Variants in TEK observed in about 807,000 individuals in gnomAD.
The protein encoded by TEK is TEK receptor tyrosine kinase, also known as angiopoietin-1 receptor.
In TEK, 43 loss-of-function variants were observed where a neutral mutation model predicts 131.8. The ratio of observed to expected loss-of-function variants is 0.33; its 90% CI spans 0.26 to 0.42. The LOEUF (loss-of-function observed/expected upper bound fraction) is 0.42. TEK is among the 10% of genes least tolerant of loss of function. The probability of loss-of-function intolerance (pLI) is 1.00; values close to 1 mark genes in which losing one functional copy is unlikely to be tolerated. For synonymous variants in TEK, 580 were observed against 491.6 expected (o/e 1.18, Z -2.38); for missense variants, 1,162 against 1,384.4 (o/e 0.84, Z 2.55).
rs931955190 is a variant in TEK at position 27,212,999 on chromosome 9, C to T, written c.2877+102C>T. The T allele has an allele frequency of 8.6e-6, 11 of 1,281,302 alleles. No individual in the cohort carries two copies. The South Asian group carries it at 1.3e-4, about 15-fold the overall frequency. The allele number at this position is 1,281,302 out of a possible 1,614,324, so 79.4% of individuals were successfully genotyped here. A position where few individuals can be genotyped will look rare whatever the true frequency, so the allele number is the denominator to read the frequency against. ...GTCTGTCAACCTCTCTTCTTTAACT[C>T]CTTCTTAAAATCTCCCTCATTTTAA... On this transcript the variant is annotated intron_variant, in intron 17 of 22. Transcript: ENST00000380036.
At chr9:27,174,879 C>T (rs1278204811) in intron 6 of TEK, among the ~76,000 whole-genome samples, 1 of 151,882 alleles carries the variant, frequency 6.6e-6, no homozygotes, top group Non-Finnish European at 1.5e-5. Context: ...TTGCTAGGAC[C>T]CAGGAAGCGG....
chr9:27,177,774 G>C (rs72713737), intron 6 of TEK, among the ~76,000 whole-genome samples: 1 of 151,944 alleles, frequency 6.6e-6, no homozygotes, highest in South Asian at 2.1e-4. Context: ...GAAAAAAAAA[G>C]ATGTCTATTC....
chr9:27,165,946 C>T (rs1415199260), intron 2 of TEK, among the ~76,000 whole-genome samples: 1 of 152,260 alleles, frequency 6.6e-6, no homozygotes, highest in Non-Finnish European at 1.5e-5. Context: ...TCCTTCTGAG[C>T]ATGGTTCGGA....
At chr9:27,175,201 C>T (rs905234155) in intron 6 of TEK, among the ~76,000 whole-genome samples, 2 of 143,760 alleles carry the variant, frequency 1.4e-5, no homozygotes, top group African/African-American at 2.6e-5. Context: ...TGTGTTCTCA[C>T]TGTTCAATTC....
At chr9:27,227,501 T>G (rs1826385592) in intron 21 of TEK, among the ~76,000 whole-genome samples, 1 of 152,230 alleles carries the variant, frequency 6.6e-6, no homozygotes, top group African/African-American at 2.4e-5. Context: ...TTTCTCACAG[T>G]TCTGAAGGCT....
intron 11 of TEK, chr9:27,195,628 A>G (rs1456838389): frequency 6.6e-6 from 3 of 455,576 alleles, no homozygotes; most frequent in African/African-American, 6.0e-5. Context: ...TTAAAAATCA[A>G]TTTACTATTA....
At position 27,207,060 on chromosome 9, in the gene TEK, G is replaced by A. The variant is rs115424035; in HGVS notation, c.2575+268G>A. ...TTGGTCATATATGGCTAACTTTTGC[G>A]GAGCATCATTGTTTCTCTTAAAGCA... is the stretch of plus-strand genomic sequence containing the variant. On this transcript the variant is annotated intron_variant, in intron 15 of 22. Coordinates refer to ENST00000380036, the MANE Select transcript of TEK (RefSeq NM_000459.5). Among the ~76,000 whole-genome samples the A allele has an allele frequency of 3.7e-4, 57 of 152,270 alleles. 1 individual carries two copies. Among genetic ancestry groups the A allele is most frequent in the African/African-American group, 1.1e-3 (46 of 41,566 alleles).
At chr9:27,191,890 G>A (rs1421567592) in intron 10 of TEK, 2 of 450,610 alleles carry the variant, frequency 4.4e-6, no homozygotes, top group African/African-American at 2.0e-5. Context: ...TACCAAGTAG[G>A]AATTTATCAT....
At chr9:27,213,739 A>C (rs1825716812) in intron 18 of TEK, 142 bp downstream of exon 18, 1 of 694,114 alleles carries the variant, frequency 1.4e-6, no homozygotes. Flanking sequence ...GCCCTGGGAA[A>C]CATTCTTTCT....
rs757637599 is a variant in TEK, at chr9:27,218,792, G to A, written c.3078G>A (p.Val1026=). 8.0e-5 allele frequency: 129 copies of A among 1,613,928 alleles called. No homozygotes were observed. Among genetic ancestry groups the A allele is most frequent in the Non-Finnish European group, 1.1e-4 (125 of 1,179,978 alleles). Residue 1026 remains valine (V), a synonymous_variant, in exon 20 of 23, where the codon GTG becomes GTA. Transcript: ENST00000380036. The stretch of plus-strand genomic sequence containing the variant: ...CCTCCTGCAGATGGTCCTATGGTGT[G>A]TTACTATGGGAGATTGTTAGCTTAG... ...TTNSDVWSYG[V]LLWEIVSLGG...
intron 16 of TEK, among the ~76,000 whole-genome samples, chr9:27,211,993 TA>T (rs771506750): frequency 7.9e-4 from 113 of 143,906 alleles, no homozygotes; most frequent in Non-Finnish European, 4.7e-4. Flanking sequence ...AACGTTTTAT[TA>T]AAAAAAAAAA....
At chr9:27,222,213 C>T (rs1228495442) in intron 21 of TEK, among the ~76,000 whole-genome samples, 1 of 152,026 alleles carries the variant, frequency 6.6e-6, no homozygotes, top group East Asian at 1.9e-4. Flanking sequence ...ACAAAGCCTC[C>T]AAGAAATACG....
intron 1 of TEK, among the ~76,000 whole-genome samples, chr9:27,138,291 C>A (rs13286157): frequency 6.6e-5 from 10 of 151,612 alleles, no homozygotes; most frequent in Admixed American, 5.9e-4. Context: ...TTGGCCCTGC[C>A]CACATCCTGC....
Position 27,192,607 on chromosome 9 carries a change from C to T in TEK, c.1608C>T (p.Phe536=), listed in dbSNP as rs1564088240. ...GGCATCCTGGACCTGTGAGACGCTT[C>T]ACAACAGCTTCTATCGGTCAGTGGA... ...GEGHPGPVRR[F]TTASIGLPPP... The change falls in exon 11 of 23, where the codon TTC becomes TTT. Residue 536 remains phenylalanine (F), a synonymous_variant. Coordinates refer to ENST00000380036, the MANE Select transcript of TEK (RefSeq NM_000459.5). 6.3e-7 allele frequency: 1 copy of T among 1,599,330 alleles called. No individual in the cohort carries two copies. Among genetic ancestry groups the T allele is most frequent in the Non-Finnish European group, 8.5e-7 (1 of 1,171,174 alleles).
chr9:27,184,140 C>T (rs557487026), intron 8 of TEK, among the ~76,000 whole-genome samples: 5 of 152,156 alleles, frequency 3.3e-5, no homozygotes, highest in African/African-American at 4.8e-5. Context: ...CTACAATCCA[C>T]GGGATCCCTT....
rs1447497076 is a variant in TEK at position 27,197,445 on chromosome 9, A to T, written c.1755A>T (p.Lys585Asn). 2.5e-6 allele frequency: 4 copies of T among 1,614,128 alleles called. No homozygotes were observed. The part of the protein sequence containing the change: ...YVEVERRSVQ[K>N]SDQQNIKVPG... ...AAGTGGAGAGAAGGTCTGTGCAAAA[A>T]AGTGATCAGCAGAATATTAAAGTTC... The change falls in exon 12 of 23, where the codon AAA (lysine) becomes AAT (asparagine). Residue 585 changes from lysine to asparagine, a missense_variant. By Grantham distance (94) the Lys-to-Asn change is moderately conservative. Around this residue, in one of 6 missense-constraint regions of TEK, gnomAD observed 477 missense variants for 471.0 expected, o/e 1.01. Transcript: ENST00000380036.
chr9:27,143,021 T>G (rs909269214), intron 1 of TEK, among the ~76,000 whole-genome samples: 46 of 152,324 alleles, frequency 3.0e-4, no homozygotes, highest in African/African-American at 5.5e-4. Context: ...TAGTAGTGAT[T>G]TGCACACTGC....
intron 11 of TEK, among the ~76,000 whole-genome samples, chr9:27,194,389 A>G (rs1824932800): frequency 6.6e-6 from 1 of 152,198 alleles, no homozygotes; most frequent in African/African-American, 2.4e-5. Flanking sequence ...AGCTACTCTG[A>G]GACTTATAGA....
chr9:27,177,872 C>G (rs1215875804), intron 6 of TEK, among the ~76,000 whole-genome samples: 2 of 152,174 alleles, frequency 1.3e-5, no homozygotes, highest in African/African-American at 4.8e-5. Context: ...AACCTCTTAT[C>G]AGGTGTATAC....
Sources: gnomAD v4.1 joint callset for allele counts (sites outside exome capture counted in the v4.1 genomes callset) on GRCh38, gnomAD v4.1.1 for gene constraint, gnomAD v4.1.1 regional missense constraint, MANE v1.5 for transcripts, NCBI Gene and HGNC (gene_info 2026-07-23, HGNC 2026-07-21) for gene names.